Variants in ANKFN1 observed in about 807,000 individuals in gnomAD.
ANKFN1 encodes the protein ankyrin repeat and fibronectin type III domain containing 1.
Under a neutral mutation model 108.7 loss-of-function variants are expected in ANKFN1, and 74 were observed. The observed-to-expected ratio is 0.68, with a 90% CI of 0.56 to 0.83. The LOEUF (loss-of-function observed/expected upper bound fraction) is 0.83, where lower values mean the gene tolerates loss of function less well. Among genes scored for constraint, ANKFN1 ranks in the 40% least tolerant of loss-of-function variants. The pLI is 0.00. For missense variants in ANKFN1, 1,505 were observed against 1,382.3 expected, an observed-to-expected ratio of 1.09 and a Z score of -1.41; for synonymous variants, 547 against 516.2, an observed-to-expected ratio of 1.06 and a Z score of -0.81.
chr17:56,484,404 A>T (rs894254354), intron 18 of ANKFN1, among the ~76,000 whole-genome samples: 9 of 152,228 alleles, frequency 5.9e-5, no homozygotes, highest in African/African-American at 2.2e-4. Context: ...AAAAAAGAAA[A>T]GTTGCCCCAA....
At chr17:56,386,238 A>G (rs2047263455) in intron 8 of ANKFN1, among the ~76,000 whole-genome samples, 1 of 151,604 alleles carries the variant, frequency 6.6e-6, no homozygotes. Flanking sequence ...ACCAAACACC[A>G]TATGTTCTCA....
intron 4 of ANKFN1, among the ~76,000 whole-genome samples, chr17:56,332,449 C>T (rs1365349834): frequency 6.6e-6 from 1 of 152,050 alleles, no homozygotes; most frequent in Non-Finnish European, 1.5e-5. Context: ...TGATCTATTT[C>T]AGGTTAATTT....
At chr17:56,406,554 T>C (rs1261700266) in intron 8 of ANKFN1, among the ~76,000 whole-genome samples, 3 of 152,198 alleles carry the variant, frequency 2.0e-5, no homozygotes, top group Non-Finnish European at 2.9e-5. Context: ...TTTTGTGTAA[T>C]ATTAGAACCA....
intron 8 of ANKFN1, among the ~76,000 whole-genome samples, chr17:56,403,092 A>G (rs966970969): frequency 4.6e-5 from 7 of 152,152 alleles, no homozygotes; most frequent in African/African-American, 1.7e-4. Flanking sequence ...TCTTAAATTT[A>G]TTAAGGCTCA....
chr17:56,209,060 A>G (rs1428816444), intron 1 of ANKFN1, among the ~76,000 whole-genome samples: 1 of 152,082 alleles, frequency 6.6e-6, no homozygotes, highest in Non-Finnish European at 1.5e-5. Context: ...TTTCAGGTTT[A>G]TATCCTCCAA....
intron 1 of ANKFN1, among the ~76,000 whole-genome samples, chr17:56,192,174 G>A (rs1913002540): frequency 6.6e-6 from 1 of 150,902 alleles, no homozygotes; most frequent in African/African-American, 2.4e-5. Context: ...TTAATAAATG[G>A]TGCTGGGAAA....
intron 4 of ANKFN1, among the ~76,000 whole-genome samples, chr17:56,107,348 TC>T (rs1420772268): frequency 6.6e-6 from 1 of 152,038 alleles, no homozygotes; most frequent in African/African-American, 2.4e-5. Flanking sequence ...TCCATCCATG[TC>T]CCCAAAAAAA....
At chr17:56,113,514 C>T (rs1482240411) in intron 4 of ANKFN1, among the ~76,000 whole-genome samples, 3 of 152,108 alleles carry the variant, frequency 2.0e-5, no homozygotes, top group Middle Eastern at 3.2e-3. Flanking sequence ...TCAGACTGTA[C>T]AAGCTTTGAT....
chr17:56,169,985 G>A (rs1403393861), intron 1 of ANKFN1, among the ~76,000 whole-genome samples: 3 of 152,176 alleles, frequency 2.0e-5, no homozygotes, highest in Admixed American at 6.5e-5. Flanking sequence ...GCCCTGATCA[G>A]GTCGATCTGG....
intron 1 of ANKFN1, among the ~76,000 whole-genome samples, chr17:56,211,886 A>G (rs921710638): frequency 6.6e-6 from 1 of 151,998 alleles, no homozygotes; most frequent in African/African-American, 2.4e-5. Context: ...TGAGTTCTTG[A>G]TTTGATTCTC....
chr17:56,337,633 AG>A (rs2045849775), intron 4 of ANKFN1, among the ~76,000 whole-genome samples: 1 of 152,194 alleles, frequency 6.6e-6, no homozygotes, highest in African/African-American at 2.4e-5. Context: ...CCCATCAAAA[AG>A]TGGGCAAAGG....
intron 6 of ANKFN1, among the ~76,000 whole-genome samples, chr17:56,354,821 T>C (rs998172761): frequency 5.9e-5 from 9 of 152,216 alleles, no homozygotes; most frequent in African/African-American, 1.7e-4. Flanking sequence ...ATTTTCTTTA[T>C]CTATTCATCT....
chr17:56,211,686 T>G (rs57902701), intron 1 of ANKFN1, among the ~76,000 whole-genome samples: 1 of 152,030 alleles, frequency 6.6e-6, no homozygotes, highest in East Asian at 1.9e-4. Context: ...ATTTGTAGAT[T>G]GCTTTTGGCA....
Position 56,189,944 on chromosome 17 carries a change from C to G in ANKFN1, c.-70-22654C>G, listed in dbSNP as rs187061823. Among the ~76,000 whole-genome samples, 618 of 143,490 alleles carry G rather than the reference C, an allele frequency of 4.3e-3. 2 individuals are homozygous for G. The highest frequency in any genetic ancestry group is 7.1e-3 in the Non-Finnish European group (472 of 66,278). The allele number at this position is 143,490 out of a possible 152,430, so 94.1% of individuals were successfully genotyped here. A position where few individuals can be genotyped will look rare whatever the true frequency, so the allele number is the denominator to read the frequency against. ...CCAAGAAGCAAAGGCATTATCATGACAAAAAGACAGCCCTTTCAACAAATG... is the reference window on the plus strand; with the variant it reads ...CCAAGAAGCAAAGGCATTATCATGAGAAAAAGACAGCCCTTTCAACAAATG... On this transcript the variant is annotated intron_variant, in intron 1 of 20. Coordinates refer to ENST00000682825, the MANE Select transcript of ANKFN1 (RefSeq NM_001370326.1).
At chr17:56,154,031 A>ATT (rs34355832) in intron 1 of ANKFN1, among the ~76,000 whole-genome samples, 201 of 148,726 alleles carry the variant, frequency 1.4e-3, no homozygotes, top group Admixed American at 4.6e-3. Context: ...TTGGAAGTGG[A>ATT]TTTTTTTTTT....
At chr17:56,050,937 AC>A (rs1444259044) in intron 4 of ANKFN1, among the ~76,000 whole-genome samples, 29 of 145,398 alleles carry the variant, frequency 2.0e-4, no homozygotes, top group African/African-American at 7.1e-4. Context: ...TAGTTTACCA[AC>A]CAAAAAGAGT....
intron 4 of ANKFN1, among the ~76,000 whole-genome samples, chr17:56,332,248 C>A (rs1013786864): frequency 6.6e-6 from 1 of 152,062 alleles, no homozygotes; most frequent in Non-Finnish European, 1.5e-5. Context: ...TGGCGGCAAT[C>A]GAGGCTCTCT....
chr17:56,274,287 C>T (rs1023778984), intron 3 of ANKFN1, among the ~76,000 whole-genome samples: 2 of 152,080 alleles, frequency 1.3e-5, no homozygotes, highest in African/African-American at 4.8e-5. Flanking sequence ...TCCTGGCTAA[C>T]ATGGTGAAAC....
At chr17:56,153,601 G>T in intron 1 of ANKFN1, 71 bp downstream of exon 1, 1 of 1,581,662 alleles carries the variant, frequency 6.3e-7, no homozygotes, top group Non-Finnish European at 8.7e-7. Context: ...CAACAGGCAG[G>T]AAAATGTGAG....
Sources: allele counts gnomAD v4.1 joint callset (sites outside exome capture counted in the v4.1 genomes callset), GRCh38; gene constraint gnomAD v4.1.1; transcripts MANE v1.5; gene names NCBI Gene and HGNC (gene_info 2026-07-23, HGNC 2026-07-21).